GAK: variants seen among roughly 807,000 people sequenced by gnomAD.
The protein encoded by GAK is cyclin-G-associated kinase.
Under a neutral mutation model 143.9 loss-of-function variants are expected in GAK, and 79 were observed. That is an observed-to-expected ratio of 0.55 (90% CI 0.46 to 0.66). GAK has a LOEUF of 0.66. GAK is among the 30% of genes least tolerant of loss of function. The pLI is 0.00. For synonymous variants in GAK, 881 were observed against 765.5 expected (o/e 1.15, Z -2.49); for missense variants, 1,693 against 1,779.7 (o/e 0.95, Z 0.88).
chr4:853,868 G>C (rs571886877), intron 24 of GAK: 1 of 152,008 alleles, frequency 6.6e-6, no homozygotes, highest in African/African-American at 2.4e-5. Context: ...GCAAGATCTC[G>C]GCTGACGCAA....
intron 1 of GAK, among the ~76,000 whole-genome samples, chr4:922,534 A>AG (rs397879194): frequency 4.0e-5 from 6 of 150,826 alleles, no homozygotes; most frequent in Non-Finnish European, 8.9e-5. Context: ...AAAAAAAAAA[A>AG]GGCAGCATCT....
chr4:911,813 C>A (rs772257637), intron 3 of GAK, 26 bp from the exon 4 acceptor site: 10 of 1,537,242 alleles, frequency 6.5e-6, no homozygotes, highest in Non-Finnish European at 8.1e-6. Context: ...TAAAGGAGAA[C>A]GTACATAACC....
chr4:850,105 CT>C, intron 26 of GAK, 37 bp from the exon 27 acceptor site: 1 of 1,524,966 alleles, frequency 6.6e-7, no homozygotes, highest in Non-Finnish European at 8.9e-7. Flanking sequence ...CCCTGGGCAC[CT>C]GCCTGCCCTC....
chr4:883,460 A>G lies in GAK; in HGVS notation c.1259T>C (p.Met420Thr), dbSNP rs1237121494. 1.9e-6 allele frequency: 3 copies of G among 1,613,380 alleles called. No individual in the cohort carries two copies. In the African/African-American group the frequency reaches 4.0e-5, roughly 21 times the overall value. ...ISYITSRIAVMSFPAEGVESA... is the reference protein window; with the variant it reads ...ISYITSRIAVTSFPAEGVESA... Reference sequence around the variant, plus strand: ...CTCCACACCTTCTGCTGGGAATGACATCACTGAAACAAGCAGACCTGCGTC... The same window carrying G: ...CTCCACACCTTCTGCTGGGAATGACGTCACTGAAACAAGCAGACCTGCGTC... Residue 420 changes from methionine to threonine, a missense_variant, in exon 13 of 28, where the codon ATG becomes ACG. Coordinates refer to ENST00000314167, the MANE Select transcript of GAK (RefSeq NM_005255.4).
chr4:860,716 G>A (rs368469777), intron 23 of GAK, among the ~76,000 whole-genome samples: 4 of 151,708 alleles, frequency 2.6e-5, no homozygotes, highest in African/African-American at 7.3e-5. Flanking sequence ...CGGGGAGAAG[G>A]GCACCCAGGC....
chr4:888,970 C>T lies in GAK; in HGVS notation c.1082G>A (p.Gly361Asp). The T allele has an allele frequency of 1.2e-6, 2 of 1,610,468 alleles. No individual in the cohort carries two copies. The highest frequency in any genetic ancestry group is 1.1e-5 in the South Asian group (1 of 90,832). ...CTGGTCGTACTCCGCCAGCGCCAGGCCTGCAGGGAGACACAGTCTCAGCAG... is the reference window on the plus strand; with the variant it reads ...CTGGTCGTACTCCGCCAGCGCCAGGTCTGCAGGGAGACACAGTCTCAGCAG... ...VGPAGSGYSG[G>D]LALAEYDQPY... The change falls in exon 11 of 28, where the codon GGC (glycine) becomes GAC (aspartate). Residue 361 changes from glycine (G) to aspartate (D), a missense_variant and splice_region_variant. Physicochemically the swap from Gly to Asp is moderately conservative, Grantham distance 94 (BLOSUM62 -1). Transcript: ENST00000314167.
intron 3 of GAK, chr4:912,252 G>A (rs570294446): frequency 4.6e-6 from 2 of 436,504 alleles, no homozygotes; most frequent in East Asian, 1.4e-4. Context: ...ATGTGGCAGT[G>A]GACAGGGAGT....
chr4:867,167 G>A lies in GAK; in HGVS notation c.2661C>T (p.His887=). ...CAGCTGGCCCTGCGCCCACCTCGGAGTGCAGGCCCAGGAGGTCGACCCCGT... is the reference window on the plus strand; with the variant it reads ...CAGCTGGCCCTGCGCCCACCTCGGAATGCAGGCCCAGGAGGTCGACCCCGT... The part of the protein sequence containing the change: ...QEDGVDLLGL[H]SEVGAGPAVP... Residue 887 remains histidine, a synonymous_variant, in exon 21 of 28, where the codon CAC becomes CAT. Coordinates refer to ENST00000314167, the MANE Select transcript of GAK (RefSeq NM_005255.4). 1.2e-6 allele frequency: 2 copies of A among 1,605,606 alleles called. No homozygotes were observed. The highest frequency in any genetic ancestry group is 1.7e-6 in the Non-Finnish European group (2 of 1,175,066).
In GAK at chr4:851,088, G is replaced by T; in HGVS notation, c.3509-4C>A. The T allele has an allele frequency of 6.2e-7, 1 of 1,612,284 alleles. No individual in the cohort carries two copies. Among genetic ancestry groups the T allele is most frequent in the Non-Finnish European group, 8.5e-7 (1 of 1,179,200 alleles). ...TCAGAGACTTTTGGCTTTTGAGCTA[G>T]AAAAGAACAGAAACTTTTTTTTGTT... On this transcript the variant is annotated splice_polypyrimidine_tract_variant and splice_region_variant and intron_variant, in intron 25 of 27. Transcript: ENST00000314167.
chr4:851,398 G>A (rs1748114419), intron 25 of GAK: 1 of 475,892 alleles, frequency 2.1e-6, no homozygotes, highest in African/African-American at 2.0e-5. Context: ...GCCCAGTTAA[G>A]AACAGAAACT....
In GAK at chr4:890,629, C is replaced by G; in HGVS notation, c.991-7G>C. On this transcript the variant is annotated splice_polypyrimidine_tract_variant and splice_region_variant and intron_variant, in intron 9 of 27. Coordinates refer to ENST00000314167, the MANE Select transcript of GAK (RefSeq NM_005255.4). Reference sequence around the variant, plus strand: ...CTCCATTCTGCTCCAGGAGCTGTGACAATGAAAATGCAGAGGTCAGTTCTC... The same window carrying G: ...CTCCATTCTGCTCCAGGAGCTGTGAGAATGAAAATGCAGAGGTCAGTTCTC... The G allele has an allele frequency of 1.2e-6, 2 of 1,606,692 alleles. No homozygotes were observed. Among genetic ancestry groups the G allele is most frequent in the South Asian group, 2.2e-5 (2 of 89,760 alleles).
At chr4:881,554 C>T (rs570149328) in intron 15 of GAK, among the ~76,000 whole-genome samples, 2 of 152,204 alleles carry the variant, frequency 1.3e-5, no homozygotes, top group African/African-American at 2.4e-5. Context: ...GTCTGAGCAG[C>T]GTCAGGTGCT....
At chr4:881,160 G>C (rs1326294175) in intron 15 of GAK, among the ~76,000 whole-genome samples, 1 of 152,200 alleles carries the variant, frequency 6.6e-6, no homozygotes, top group African/African-American at 2.4e-5. Flanking sequence ...ATAAAGAATG[G>C]GGAGTCCCCT....
At chr4:926,623 G>T (rs559479169) in intron 1 of GAK, among the ~76,000 whole-genome samples, 2 of 152,316 alleles carry the variant, frequency 1.3e-5, no homozygotes, top group South Asian at 4.1e-4. Flanking sequence ...TGCTGTGGTG[G>T]TTCTGACCAT....
intron 5 of GAK, among the ~76,000 whole-genome samples, chr4:900,267 G>A (rs1403975728): frequency 1.3e-5 from 2 of 152,222 alleles, no homozygotes; most frequent in Non-Finnish European, 2.9e-5. Flanking sequence ...ACAGCAGGAC[G>A]ACGCACGGGG....
rs370525554 is a variant in GAK, at chr4:904,593, C to T, written c.525+44G>A. The T allele has an allele frequency of 2.2e-5, 33 of 1,523,452 alleles. No homozygotes were observed. The African/African-American group carries it at 2.5e-4, about 12-fold the overall frequency. 94.4% of individuals were successfully genotyped at this position (1,523,452 alleles called of 1,614,324 possible). On this transcript the variant is annotated intron_variant, in intron 5 of 27. Coordinates refer to ENST00000314167, the MANE Select transcript of GAK (RefSeq NM_005255.4). The stretch of plus-strand genomic sequence containing the variant: ...GGGCGGCTCCTAACCGAGTGGGACC[C>T]GCACACAGAGGCCTTGGCAGCCGCG...
intron 11 of GAK, chr4:885,716 G>A (rs952011272): frequency 2.6e-5 from 4 of 152,176 alleles, no homozygotes; most frequent in African/African-American, 9.7e-5. Context: ...CTGACTCCTG[G>A]GCTTGTCCGT....
intron 24 of GAK, among the ~76,000 whole-genome samples, chr4:857,858 G>GCATT (rs1577048649): frequency 6.6e-6 from 1 of 152,142 alleles, no homozygotes; most frequent in Admixed American, 6.5e-5. Flanking sequence ...TACTGCTGGG[G>GCATT]CATTCCAGCT....
At chr4:909,329 G>C (rs939373045) in intron 4 of GAK, among the ~76,000 whole-genome samples, 4 of 152,282 alleles carry the variant, frequency 2.6e-5, no homozygotes, top group African/African-American at 4.8e-5. Context: ...AGGAGCGGGT[G>C]TCAGAGTCCA....
Sources: allele counts gnomAD v4.1 joint callset (sites outside exome capture counted in the v4.1 genomes callset), GRCh38; gene constraint gnomAD v4.1.1; transcripts MANE v1.5; gene names NCBI Gene and HGNC (gene_info 2026-07-23, HGNC 2026-07-21).